UMAD1: variants seen among roughly 807,000 people sequenced by gnomAD.
UMAD1 encodes the protein UBAP1-MVB12-associated (UMA)-domain containing protein 1.
UMAD1 carries 8 observed loss-of-function variants against 6.1 expected under a neutral mutation model. That is an observed-to-expected ratio of 1.30 (90% CI 0.76 to 2.35). The LOEUF (loss-of-function observed/expected upper bound fraction) is 2.35, where lower values mean the gene tolerates loss of function less well. UMAD1 is among the 30% of genes most tolerant of loss of function. The pLI is 0.00. For synonymous variants in UMAD1, 56 were observed against 31.4 expected (o/e 1.78, Z -2.61); for missense variants, 130 against 78.4 (o/e 1.66, Z -2.49).
intron 3 of UMAD1, among the ~76,000 whole-genome samples, chr7:7,818,284 C>G (rs1345955849): frequency 6.6e-6 from 1 of 152,144 alleles, no homozygotes; most frequent in Non-Finnish European, 1.5e-5. Context: ...GCCTCCAGCT[C>G]CATCCATGTC....
intron 3 of UMAD1, among the ~76,000 whole-genome samples, chr7:7,820,763 A>G (rs957317298): frequency 6.6e-6 from 1 of 152,166 alleles, no homozygotes; most frequent in Admixed American, 6.6e-5. Context: ...AGGAAAATGT[A>G]CAATTCCTAC....
chr7:7,840,018 T>A (rs776566931), intron 3 of UMAD1, among the ~76,000 whole-genome samples: 9 of 152,054 alleles, frequency 5.9e-5, no homozygotes, highest in African/African-American at 1.7e-4. Context: ...TTGGGGTGTA[T>A]ACAATGATGA....
chr7:7,850,394 T>G (rs866514178), intron 3 of UMAD1, among the ~76,000 whole-genome samples: 1 of 152,150 alleles, frequency 6.6e-6, no homozygotes, highest in African/African-American at 2.4e-5. Flanking sequence ...AAGCTCTTTC[T>G]CAATTCAGAA....
At chr7:7,677,765 C>G (rs915176675) in intron 2 of UMAD1, among the ~76,000 whole-genome samples, 1 of 148,048 alleles carries the variant, frequency 6.8e-6, no homozygotes, top group African/African-American at 2.5e-5. Flanking sequence ...GCTCTGCCTC[C>G]CAGGTTCACG....
At chr7:7,764,599 T>C (rs1034015107) in intron 2 of UMAD1, among the ~76,000 whole-genome samples, 2 of 152,200 alleles carry the variant, frequency 1.3e-5, no homozygotes, top group African/African-American at 4.8e-5. Context: ...GCTGGATCAC[T>C]TGAGGTAAGT....
chr7:7,651,735 T>C (rs1785227309), intron 1 of UMAD1, among the ~76,000 whole-genome samples: 1 of 152,210 alleles, frequency 6.6e-6, no homozygotes, highest in African/African-American at 2.4e-5. Flanking sequence ...CTAACAGGCA[T>C]TCATCATATG....
At chr7:7,791,221 G>T (rs1302314210) in intron 2 of UMAD1, among the ~76,000 whole-genome samples, 2 of 152,112 alleles carry the variant, frequency 1.3e-5, no homozygotes, top group East Asian at 3.8e-4. Context: ...ACATATTTAG[G>T]CTTTAAGCTG....
chr7:7,710,889 C>T (rs543735175), intron 2 of UMAD1, among the ~76,000 whole-genome samples: 3 of 152,196 alleles, frequency 2.0e-5, no homozygotes, highest in African/African-American at 7.2e-5. Context: ...TATACAACAA[C>T]CTGGATGAAT....
At chr7:7,689,325 C>T (rs897948094) in intron 2 of UMAD1, 1 of 152,130 alleles carries the variant, frequency 6.6e-6, no homozygotes, top group Admixed American at 6.6e-5. Context: ...TCATTGCCAA[C>T]TTTGCTTAGG....
intron 2 of UMAD1, among the ~76,000 whole-genome samples, chr7:7,722,457 A>T (rs1054788838): frequency 1.3e-5 from 2 of 151,880 alleles, no homozygotes; most frequent in Non-Finnish European, 2.9e-5. Context: ...TGCATTTGAC[A>T]CTCCTGATTT....
chr7:7,707,500 A>G (rs773630553), intron 2 of UMAD1, among the ~76,000 whole-genome samples: 10 of 152,180 alleles, frequency 6.6e-5, no homozygotes, highest in Non-Finnish European at 1.2e-4. Flanking sequence ...TATGCTCTCA[A>G]ATTGCTTCAG....
chr7:7,798,401 G>A (rs1189101266), intron 2 of UMAD1, among the ~76,000 whole-genome samples: 1 of 152,136 alleles, frequency 6.6e-6, no homozygotes, highest in African/African-American at 2.4e-5. Context: ...TTTACATCTT[G>A]TAAAATTGTT....
intron 3 of UMAD1, among the ~76,000 whole-genome samples, chr7:7,813,521 A>C (rs1783065354): frequency 6.6e-6 from 1 of 152,006 alleles, no homozygotes; most frequent in African/African-American, 2.4e-5. Context: ...CTGCCTTTTT[A>C]TGCCACTTGC....
intron 1 of UMAD1, among the ~76,000 whole-genome samples, chr7:7,646,580 G>A (rs1437093759): frequency 6.7e-6 from 1 of 149,834 alleles, no homozygotes; most frequent in Non-Finnish European, 1.5e-5. Flanking sequence ...CCAGCCACGT[G>A]GAACTGTGAG....
chr7:7,671,193 C>T (rs1453899420), intron 1 of UMAD1, among the ~76,000 whole-genome samples: 1 of 152,218 alleles, frequency 6.6e-6, no homozygotes. Flanking sequence ...ATCTACTTAA[C>T]TTTAGTCAGC....
chr7:7,700,235 C>T (rs911179721), intron 2 of UMAD1, among the ~76,000 whole-genome samples: 1 of 152,126 alleles, frequency 6.6e-6, no homozygotes, highest in African/African-American at 2.4e-5. Context: ...TCCCTGCTCC[C>T]CACATGTTGG....
chr7:7,795,256 C>T (rs995241510), intron 2 of UMAD1, among the ~76,000 whole-genome samples: 13 of 152,256 alleles, frequency 8.5e-5, no homozygotes, highest in African/African-American at 3.1e-4. Context: ...GAATAAACCT[C>T]TCCAAATATT....
chr7:7,742,273 G>T (rs1346981255), intron 2 of UMAD1: 3 of 663,142 alleles, frequency 4.5e-6, no homozygotes, highest in Non-Finnish European at 8.6e-6. Flanking sequence ...CAAGCGTGCT[G>T]TTGTCTTCTG....
chr7:7,761,439 A>G (rs1278381700), intron 2 of UMAD1, among the ~76,000 whole-genome samples: 1 of 151,758 alleles, frequency 6.6e-6, no homozygotes, highest in Non-Finnish European at 1.5e-5. Flanking sequence ...TGTTTATTAG[A>G]ATAAGACACT....
Sources: gnomAD v4.1 joint callset for allele counts (sites outside exome capture counted in the v4.1 genomes callset) on GRCh38, gnomAD v4.1.1 for gene constraint, MANE v1.5 for transcripts, NCBI Gene and HGNC (gene_info 2026-07-23, HGNC 2026-07-21) for gene names.